The following LDAH variants were observed in gnomAD, a reference collection of about 807,000 sequenced individuals.
The protein encoded by LDAH is lipid droplet-associated hydrolase.
LDAH carries 26 observed loss-of-function variants against 29.6 expected under a neutral mutation model. The ratio of observed to expected loss-of-function variants is 0.88; its 90% CI spans 0.64 to 1.22. The LOEUF (loss-of-function observed/expected upper bound fraction) is 1.22. LDAH is among the 50% of genes most tolerant of loss of function. The pLI is 0.00. For missense variants in LDAH, 344 were observed against 387.3 expected, an observed-to-expected ratio of 0.89 and a Z score of 0.94; for synonymous variants, 117 against 133.0, an observed-to-expected ratio of 0.88 and a Z score of 0.83.
chr2:20,709,069 A>G (rs1227890955), intron 5 of LDAH, among the ~76,000 whole-genome samples: 1 of 152,190 alleles, frequency 6.6e-6, no homozygotes, highest in Admixed American at 6.5e-5. Context: ...GTAAAAACAT[A>G]AAATCTGAAA....
chr2:20,770,859 T>C (rs1669365168), intron 4 of LDAH, among the ~76,000 whole-genome samples: 1 of 152,182 alleles, frequency 6.6e-6, no homozygotes, highest in Non-Finnish European at 1.5e-5. Context: ...CAAGGCTGAA[T>C]ACTGGCAAGG....
intron 4 of LDAH, among the ~76,000 whole-genome samples, chr2:20,762,838 C>G (rs1303471773): frequency 6.6e-6 from 1 of 152,116 alleles, no homozygotes; most frequent in Non-Finnish European, 1.5e-5. Flanking sequence ...CTTCCATCAC[C>G]AGGGTAATAT....
intron 1 of LDAH, among the ~76,000 whole-genome samples, chr2:20,813,949 G>A (rs1312176840): frequency 1.3e-5 from 2 of 152,172 alleles, no homozygotes; most frequent in South Asian, 4.2e-4. Flanking sequence ...GTATAATGCA[G>A]ATACTAACTC....
chr2:20,753,403 T>C (rs1048730524), intron 4 of LDAH, among the ~76,000 whole-genome samples: 3 of 152,218 alleles, frequency 2.0e-5, no homozygotes, highest in African/African-American at 7.2e-5. Context: ...ATAATCTCCA[T>C]GGAAATACAA....
chr2:20,700,553 G>A (rs1456946497), intron 6 of LDAH, among the ~76,000 whole-genome samples: 1 of 152,070 alleles, frequency 6.6e-6, no homozygotes, highest in East Asian at 1.9e-4. Context: ...CTTGTGGATT[G>A]CTCCTGAGTC....
At chr2:20,801,211 T>G in intron 2 of LDAH, 99 bp downstream of exon 2, 1 of 1,286,942 alleles carries the variant, frequency 7.8e-7, no homozygotes, top group Admixed American at 2.3e-5. Context: ...TAATTCCTTC[T>G]CCAAGGTTTT....
intron 5 of LDAH, among the ~76,000 whole-genome samples, chr2:20,709,421 T>C (rs1230851530): frequency 6.6e-6 from 1 of 152,118 alleles, no homozygotes; most frequent in Non-Finnish European, 1.5e-5. Context: ...ATGTTCAACA[T>C]CATTAGTCAT....
At chr2:20,779,711 A>G (rs898094513) in intron 3 of LDAH, among the ~76,000 whole-genome samples, 13 of 152,282 alleles carry the variant, frequency 8.5e-5, no homozygotes, top group African/African-American at 2.9e-4. Flanking sequence ...TAAATATGGC[A>G]ATGTTAACTG....
At chr2:20,769,977 A>T (rs920872112) in intron 4 of LDAH, among the ~76,000 whole-genome samples, 7 of 152,048 alleles carry the variant, frequency 4.6e-5, no homozygotes, top group Admixed American at 1.3e-4. Flanking sequence ...TACATGAAAC[A>T]TTTTTTTTAA....
At chr2:20,726,270 AGG>A (rs1666008469) in intron 5 of LDAH, among the ~76,000 whole-genome samples, 1 of 152,230 alleles carries the variant, frequency 6.6e-6, no homozygotes, top group Non-Finnish European at 1.5e-5. Context: ...AGCCTTTCAC[AGG>A]AAAGCTCCTC....
chr2:20,789,178 C>T (rs1025615237), intron 3 of LDAH: 1 of 1,550,456 alleles, frequency 6.4e-7, no homozygotes, highest in Non-Finnish European at 8.7e-7. Context: ...TTATATGGCC[C>T]CCAAATCCAT....
intron 3 of LDAH, among the ~76,000 whole-genome samples, chr2:20,784,949 G>A (rs1011816384): frequency 3.9e-5 from 6 of 151,928 alleles, no homozygotes; most frequent in African/African-American, 4.8e-5. Flanking sequence ...CCATTTCACC[G>A]TTAGTCCAGG....
chr2:20,818,413 C>T (rs1673004850), intron 1 of LDAH, among the ~76,000 whole-genome samples: 1 of 152,120 alleles, frequency 6.6e-6, no homozygotes, highest in African/African-American at 2.4e-5. Context: ...TGAAAGTCAA[C>T]ACATAAACAG....
At chr2:20,785,690 T>C (rs943868443) in intron 3 of LDAH, among the ~76,000 whole-genome samples, 3 of 152,246 alleles carry the variant, frequency 2.0e-5, no homozygotes, top group Non-Finnish European at 4.4e-5. Flanking sequence ...AACTCTTGGA[T>C]GTGCTGTACT....
intron 5 of LDAH, among the ~76,000 whole-genome samples, chr2:20,731,367 C>T (rs1051503816): frequency 1.3e-5 from 2 of 152,160 alleles, no homozygotes; most frequent in African/African-American, 4.8e-5. Context: ...TTCTCAGTCC[C>T]GCTCCTCCCA....
chr2:20,746,047 A>C (rs1667548580), intron 4 of LDAH, among the ~76,000 whole-genome samples: 2 of 152,236 alleles, frequency 1.3e-5, no homozygotes, highest in Admixed American at 1.3e-4. Flanking sequence ...GTGTTTGAGT[A>C]AGAGCCAGGT....
intron 5 of LDAH, among the ~76,000 whole-genome samples, chr2:20,711,479 G>A (rs192613071): frequency 8.5e-5 from 13 of 152,164 alleles, no homozygotes; most frequent in African/African-American, 3.1e-4. Flanking sequence ...TGACAGAGAA[G>A]ACGGGTGATT....
At chr2:20,718,573 C>T (rs1476335376) in intron 5 of LDAH, among the ~76,000 whole-genome samples, 1 of 152,106 alleles carries the variant, frequency 6.6e-6, no homozygotes, top group Non-Finnish European at 1.5e-5. Flanking sequence ...TAGTAAGGGA[C>T]TTCAGCACCT....
intron 5 of LDAH, among the ~76,000 whole-genome samples, chr2:20,705,411 C>A (rs1434440336): frequency 6.6e-6 from 1 of 152,062 alleles, no homozygotes; most frequent in East Asian, 1.9e-4. Flanking sequence ...TCCAGTGGGC[C>A]CATTCACTGT....
Sources: gnomAD v4.1 joint callset for allele counts (sites outside exome capture counted in the v4.1 genomes callset) on GRCh38, gnomAD v4.1.1 for gene constraint, MANE v1.5 for transcripts, NCBI Gene and HGNC (gene_info 2026-07-23, HGNC 2026-07-21) for gene names.